MGAM: variants seen among roughly 807,000 people sequenced by gnomAD.
MGAM encodes the protein alpha-1,4-glucosidase.
A neutral mutation model predicts 358.8 loss-of-function variants in MGAM; 253 were observed. The ratio of observed to expected loss-of-function variants is 0.71; its 90% CI spans 0.64 to 0.78. The LOEUF (loss-of-function observed/expected upper bound fraction) is 0.78. Ranked by LOEUF, MGAM falls within the 30% of genes least tolerant of loss-of-function variation. The pLI, the probability that MGAM is intolerant of heterozygous loss-of-function variation, is 0.00. For missense variants in MGAM, 3,080 were observed against 3,432.6 expected (o/e 0.90, Z 2.57); for synonymous variants, 1,105 against 1,227.1 (o/e 0.90, Z 2.08).
Position 142,095,550 on chromosome 7 carries a change from C to T in MGAM, c.7459-15C>T. 1 of 1,612,626 alleles carries T rather than the reference C, an allele frequency of 6.2e-7. No homozygotes were observed. Among genetic ancestry groups the T allele is most frequent in the Non-Finnish European group, 8.5e-7 (1 of 1,179,712 alleles). On this transcript the variant is annotated splice_polypyrimidine_tract_variant and intron_variant, in intron 63 of 70. Coordinates refer to ENST00000475668, the MANE Select transcript of MGAM (RefSeq NM_001365693.1). ...TCCAGGGCAAGCTCCCAACACTGTT[C>T]TCTTTCTCCTTTAGAGACAAGACCC... is the stretch of plus-strand genomic sequence containing the variant.
chr7:142,028,816 G>A (rs924811735), intron 10 of MGAM, among the ~76,000 whole-genome samples: 2 of 151,952 alleles, frequency 1.3e-5, no homozygotes, highest in Non-Finnish European at 2.9e-5. Flanking sequence ...AGACGTTTGG[G>A]TGGATGAATT....
In MGAM at chr7:142,008,731, T is replaced by C. The variant is rs781883748; in HGVS notation, c.327+26T>C. 5.0e-6 allele frequency: 8 copies of C among 1,600,036 alleles called. No homozygotes were observed. The Admixed American group carries it at 1.0e-4, about 21-fold the overall frequency. ...GTTTGAGTTATGAATTTTGTTTCCA[T>C]TTTAGAATTTATGCAACTTGATAGT... On this transcript the variant is annotated intron_variant, in intron 3 of 70. Transcript: ENST00000475668.
At chr7:142,041,200 C>A (rs577644327) in intron 21 of MGAM, among the ~76,000 whole-genome samples, 3 of 152,244 alleles carry the variant, frequency 2.0e-5, no homozygotes, top group East Asian at 3.9e-4. Context: ...CTTATGCAAA[C>A]CTCAAATCTC....
intron 1 of MGAM, among the ~76,000 whole-genome samples, chr7:141,999,207 T>C (rs1375148624): frequency 6.6e-6 from 1 of 152,316 alleles, no homozygotes; most frequent in South Asian, 2.1e-4. Flanking sequence ...AGCAGATTTC[T>C]TTCTTCCAGA....
chr7:142,060,284 C>T lies in MGAM; in HGVS notation c.4060-27C>T, dbSNP rs371112047. ...ATGTAAGGGAAATTGTCTAGTGCAT[C>T]GCTACTGAACGTATTTCTCTCCATA... On this transcript the variant is annotated intron_variant, in intron 33 of 70. Coordinates refer to ENST00000475668, the MANE Select transcript of MGAM (RefSeq NM_001365693.1). 1.9e-4 allele frequency: 304 copies of T among 1,610,442 alleles called. 4 individuals are homozygous for T. The South Asian group carries it at 2.1e-3, about 11-fold the overall frequency.
chr7:142,098,505 G>C (rs1383092655), intron 66 of MGAM, among the ~76,000 whole-genome samples: 1 of 152,136 alleles, frequency 6.6e-6, no homozygotes, highest in Non-Finnish European at 1.5e-5. Context: ...TTTCATCCAA[G>C]GGGATTGCAG....
chr7:142,036,397 T>C, intron 17 of MGAM, 112 bp downstream of exon 17: 1 of 795,320 alleles, frequency 1.3e-6, no homozygotes, highest in Non-Finnish European at 2.1e-6. Context: ...GGTCTTCACT[T>C]ACTCTAATTT....
intron 21 of MGAM, among the ~76,000 whole-genome samples, chr7:142,047,293 C>T (rs780470836): frequency 1.4e-4 from 21 of 152,220 alleles, no homozygotes; most frequent in Admixed American, 3.9e-4. Context: ...AAACTAATAA[C>T]CAATAATCAG....
In MGAM at chr7:142,060,995, T is replaced by C. The variant is rs1812137182; in HGVS notation, c.4122+622T>C. On this transcript the variant is annotated intron_variant, in intron 34 of 70. Transcript: ENST00000475668. The stretch of plus-strand genomic sequence containing the variant: ...GCTTGTAATGGATCCAAGTAGTCCA[T>C]GCTTCTGGACCTGAATTTTTTTCCC... 2.0e-5 allele frequency among the ~76,000 whole-genome samples: 3 copies of C among 152,142 alleles called. 1 individual carries two copies. The South Asian group carries it at 6.2e-4, about 32-fold the overall frequency.
intron 63 of MGAM, among the ~76,000 whole-genome samples, 168 bp downstream of exon 63, chr7:142,095,031 A>G (rs564554914): frequency 2.6e-5 from 4 of 152,156 alleles, no homozygotes; most frequent in South Asian, 2.1e-4. Flanking sequence ...CAGTGTCCCA[A>G]TCATGGCTGA....
intron 47 of MGAM, among the ~76,000 whole-genome samples, chr7:142,078,027 G>A (rs1290044783): frequency 3.5e-5 from 5 of 144,848 alleles, no homozygotes; most frequent in Non-Finnish European, 7.8e-5. Context: ...GAGGAGTTAG[G>A]GTAGAAAAGA....
At chr7:142,088,472 T>TGTA (rs1288867473) in intron 57 of MGAM, among the ~76,000 whole-genome samples, 9 of 134,184 alleles carry the variant, frequency 6.7e-5, no homozygotes, top group African/African-American at 2.0e-4. Context: ...TACGTATCTA[T>TGTA]CTATCTACCT....
At chr7:142,090,931 CA>C (rs1815328501) in intron 57 of MGAM, among the ~76,000 whole-genome samples, 1 of 146,176 alleles carries the variant, frequency 6.8e-6, no homozygotes, top group African/African-American at 2.4e-5. Context: ...TTCTTGCTCT[CA>C]AAAGTCTACA....
At position 142,044,185 on chromosome 7, in the gene MGAM, G is replaced by T. The variant is rs1397352303; in HGVS notation, c.2498+3339G>T. 1.6e-5 allele frequency among the ~76,000 whole-genome samples: 2 copies of T among 126,424 alleles called. 1 individual carries two copies. Among genetic ancestry groups the T allele is most frequent in the Non-Finnish European group, 3.3e-5 (2 of 61,124 alleles). The allele number at this position is 126,424 out of a possible 152,430, so 82.9% of individuals were successfully genotyped here. A position where few individuals can be genotyped will look rare whatever the true frequency, so the allele number is the denominator to read the frequency against. On this transcript the variant is annotated intron_variant, in intron 21 of 70. Transcript: ENST00000475668. ...TAATATATACATTATATACACATAC[G>T]ACATATAATATATAATATATACATT...
At position 142,054,815 on chromosome 7, in the gene MGAM, C is replaced by T. The variant is rs762472000; in HGVS notation, c.3221C>T (p.Pro1074Leu). 7 of 1,613,796 alleles carry T rather than the reference C, an allele frequency of 4.3e-6. No individual in the cohort carries two copies. The highest frequency in any genetic ancestry group is 1.1e-5 in the South Asian group (1 of 91,076). ...VPVPLNIPSM[P>L]SSTPEGQLYD... is the part of the protein sequence containing the mutation. ...GTCCCTCTGAACATACCCAGCATGC[C>T]ATCCAGCACCCCTGAGGGTCAACTC... Residue 1074 changes from proline to leucine, a missense_variant, in exon 27 of 71, where the codon CCA (proline) becomes CTA (leucine). Pro to Leu is a moderately conservative substitution (Grantham distance 98). Around this residue, in one of 5 missense-constraint regions of MGAM, gnomAD observed 1,816 missense variants for 1,840.5 expected, o/e 0.99. Transcript: ENST00000475668.
In MGAM at chr7:142,042,693, G is replaced by A. The variant is rs28970719; in HGVS notation, c.2498+1847G>A. On this transcript the variant is annotated intron_variant, in intron 21 of 70. Transcript: ENST00000475668. Reference sequence around the variant, plus strand: ...ATATATAATATATAATATATATTATGTATAATATTATATATAATATATTAC... The same window carrying A: ...ATATATAATATATAATATATATTATATATAATATTATATATAATATATTAC... Among the ~76,000 whole-genome samples, 13 of 1,828 alleles carry A rather than the reference G, an allele frequency of 7.1e-3. 1 individual carries two copies. The highest frequency in any genetic ancestry group is 0.022 in the African/African-American group (5 of 224). 1.2% of individuals were successfully genotyped at this position (1,828 alleles called of 152,430 possible).
At chr7:142,100,345 C>T (rs1222114209) in intron 67 of MGAM, among the ~76,000 whole-genome samples, 5 of 152,130 alleles carry the variant, frequency 3.3e-5, no homozygotes, top group South Asian at 2.1e-4. Flanking sequence ...TACATGAATG[C>T]GGACTAAAAT....
intron 70 of MGAM, among the ~76,000 whole-genome samples, chr7:142,104,270 T>C (rs993415961): frequency 2.6e-5 from 4 of 152,200 alleles, no homozygotes; most frequent in African/African-American, 7.2e-5. Context: ...TGGAGATACA[T>C]TGATGATTCT....
chr7:142,016,132 T>C (rs1324175149), intron 3 of MGAM, among the ~76,000 whole-genome samples: 3 of 152,162 alleles, frequency 2.0e-5, no homozygotes, highest in African/African-American at 7.2e-5. Flanking sequence ...CATAAAGTAC[T>C]TTCTTTGTTT....
Sources: allele counts gnomAD v4.1 joint callset (sites outside exome capture counted in the v4.1 genomes callset), GRCh38; gene constraint gnomAD v4.1.1; regional missense constraint gnomAD v4.1.1; transcripts MANE v1.5; gene names NCBI Gene and HGNC (gene_info 2026-07-23, HGNC 2026-07-21).